CDKL2: variants seen among roughly 807,000 people sequenced by gnomAD.
CDKL2 encodes the protein cyclin dependent kinase like 2, also known as cyclin-dependent kinase-like 2.
A neutral mutation model predicts 63.9 loss-of-function variants in CDKL2; 64 were observed. The ratio of observed to expected loss-of-function variants is 1.00; its 90% CI spans 0.82 to 1.23. The LOEUF is 1.23. CDKL2 is among the 50% of genes most tolerant of loss of function. The pLI is 0.00. For missense variants in CDKL2, 656 were observed against 668.0 expected (o/e 0.98, Z 0.20); for synonymous variants, 211 against 229.2 (o/e 0.92, Z 0.72).
intron 2 of CDKL2, among the ~76,000 whole-genome samples, chr4:75,623,820 T>C (rs1048236271): frequency 6.6e-6 from 1 of 152,050 alleles, no homozygotes; most frequent in African/African-American, 2.4e-5. Context: ...TCACAAGAGA[T>C]ACATCTAAAC....
At chr4:75,613,909 T>G (rs1729810715) in intron 3 of CDKL2, among the ~76,000 whole-genome samples, 1 of 151,930 alleles carries the variant, frequency 6.6e-6, no homozygotes, top group African/African-American at 2.4e-5. Flanking sequence ...ATACAAAAAT[T>G]AGCCAGGCGT....
chr4:75,592,384 A>G (rs1361249546), intron 10 of CDKL2, 115 bp from the exon 11 acceptor site: 1 of 829,698 alleles, frequency 1.2e-6, no homozygotes, highest in Admixed American at 3.7e-5. Flanking sequence ...AAGGTCTATA[A>G]TAAAAAATTT....
At chr4:75,628,692 AT>A (rs1486582616) in intron 1 of CDKL2, among the ~76,000 whole-genome samples, 3 of 152,192 alleles carry the variant, frequency 2.0e-5, no homozygotes, top group African/African-American at 7.2e-5. Flanking sequence ...GCAATCTAAA[AT>A]TTACTCAGAT....
chr4:75,630,098 T>C lies in CDKL2; in HGVS notation c.-86A>G, dbSNP rs1167283682. 2.6e-5 allele frequency: 4 copies of C among 152,428 alleles called. No individual in the cohort carries two copies. The highest frequency in any genetic ancestry group is 4.4e-5 in the Non-Finnish European group (3 of 68,012). 9.4% of individuals were successfully genotyped at this position (152,428 alleles called of 1,614,324 possible). A position where few individuals can be genotyped will look rare whatever the true frequency, so the allele number is the denominator to read the frequency against. ...CAAAGGTTTTCAACTTGGAAACAAATTTGAGGTGAAATGCATATGGTTCGC... is the reference window on the plus strand; with the variant it reads ...CAAAGGTTTTCAACTTGGAAACAAACTTGAGGTGAAATGCATATGGTTCGC... On this transcript the variant is annotated 5_prime_UTR_variant, in exon 1 of 14. Transcript: ENST00000307465.
Position 75,597,183 on chromosome 4 carries a change from GC to G in CDKL2, c.1073del (p.Gly358AlafsTer31), listed in dbSNP as rs1728982830. 3 of 1,612,254 alleles carry G rather than the reference GC, an allele frequency of 1.9e-6. No homozygotes were observed. The African/African-American group carries it at 4.0e-5, about 22-fold the overall frequency. On this transcript the variant is annotated frameshift_variant, in exon 9 of 14. Coordinates refer to ENST00000307465, the MANE Select transcript of CDKL2 (RefSeq NM_001330724.2). LOFTEE classifies it high-confidence loss of function. ...IKDYKLFKIK[G>X]SKIDGEKAEK... ...CAGCTTTTTCTCCATCAATTTTTGAGCCTTTTATTTTAAATAGTTTATAATC... is the reference window on the plus strand; with the variant it reads ...CAGCTTTTTCTCCATCAATTTTTGAGCTTTTATTTTAAATAGTTTATAATC...
At chr4:75,582,109 T>C (rs1348541277) in intron 12 of CDKL2, among the ~76,000 whole-genome samples, 3 of 152,250 alleles carry the variant, frequency 2.0e-5, no homozygotes, top group Admixed American at 6.5e-5. Context: ...TGTTATTCTT[T>C]GATCTTAGTT....
At chr4:75,604,037 G>C (rs1487761017) in intron 5 of CDKL2, 81 bp from the exon 6 acceptor site, 1 of 1,318,996 alleles carries the variant, frequency 7.6e-7, no homozygotes, top group Admixed American at 2.2e-5. Context: ...TGAAGTAGAG[G>C]AAATAGTGGA....
intron 2 of CDKL2, among the ~76,000 whole-genome samples, chr4:75,622,867 G>C (rs1281445505): frequency 6.6e-6 from 1 of 151,460 alleles, no homozygotes; most frequent in Non-Finnish European, 1.5e-5. Flanking sequence ...GAGTGTTTAT[G>C]AACATTGGTA....
Position 75,597,030 on chromosome 4 carries a change from G to A in CDKL2, c.1227C>T (p.Ser409=), listed in dbSNP as rs755062384. 1.2e-5 allele frequency: 20 copies of A among 1,614,092 alleles called. No homozygotes were observed. The highest frequency in any genetic ancestry group is 4.4e-5 in the South Asian group (4 of 91,078). ...NVSVDHTRNP[S]VAIPPLTHNL... ...TGTGTGTAAGTGGGGGAATTGCCAC[G>A]CTTGGATTCCTTGTGTGGTCCACGC... Residue 409 remains serine, a synonymous_variant, in exon 9 of 14, where the codon AGC becomes AGT. Transcript: ENST00000307465.
chr4:75,620,790 A>T (rs1037735593), intron 2 of CDKL2, among the ~76,000 whole-genome samples: 2 of 152,192 alleles, frequency 1.3e-5, no homozygotes, highest in Admixed American at 6.5e-5. Context: ...GGTGAAAAGA[A>T]GGAGTACAGT....
chr4:75,592,036 A>G, intron 11 of CDKL2, 110 bp downstream of exon 11: 1 of 1,308,156 alleles, frequency 7.6e-7, no homozygotes, highest in Non-Finnish European at 1.0e-6. Flanking sequence ...ACAGGTATTT[A>G]CATACTTAAA....
At chr4:75,620,711 AG>A (rs762269797) in intron 2 of CDKL2, among the ~76,000 whole-genome samples, 34 of 152,200 alleles carry the variant, frequency 2.2e-4, no homozygotes, top group Non-Finnish European at 3.5e-4. Context: ...GAAGACTAAG[AG>A]GATCAGTAGC....
chr4:75,585,962 C>T (rs1728460788), intron 12 of CDKL2, among the ~76,000 whole-genome samples: 1 of 152,064 alleles, frequency 6.6e-6, no homozygotes, highest in South Asian at 2.1e-4. Context: ...ATTAATCCAA[C>T]AACAAAGAAT....
intron 12 of CDKL2, 53 bp from the exon 13 acceptor site, chr4:75,581,951 C>T (rs922174539): frequency 1.7e-6 from 2 of 1,207,366 alleles, no homozygotes. Context: ...AAAAGTTCCA[C>T]TTCCCCAAAA....
At chr4:75,590,055 T>A (rs1401355982) in intron 12 of CDKL2, among the ~76,000 whole-genome samples, 1 of 151,800 alleles carries the variant, frequency 6.6e-6, no homozygotes, top group Non-Finnish European at 1.5e-5. Flanking sequence ...TGGTCCCAGC[T>A]ACTCAGGAAG....
At chr4:75,600,130 A>G in intron 7 of CDKL2, 151 bp downstream of exon 7, 1 of 545,244 alleles carries the variant, frequency 1.8e-6, no homozygotes, top group Non-Finnish European at 3.3e-6. Flanking sequence ...GAACTGCATT[A>G]TTGCTAAGGG....
chr4:75,622,412 C>T (rs928530214), intron 2 of CDKL2, among the ~76,000 whole-genome samples: 3 of 151,808 alleles, frequency 2.0e-5, no homozygotes, highest in African/African-American at 7.3e-5. Flanking sequence ...ATACTAATGA[C>T]GAAGTGTATG....
intron 2 of CDKL2, among the ~76,000 whole-genome samples, chr4:75,618,843 C>T (rs567423492): frequency 6.6e-6 from 1 of 152,268 alleles, no homozygotes; most frequent in African/African-American, 2.4e-5. Context: ...AAACTACATC[C>T]TCCAGAGTGA....
rs780680374 is a variant in CDKL2, at chr4:75,597,054, G to A, written c.1203C>T (p.Ser401=). The change falls in exon 9 of 14, where the codon AGC becomes AGT. Residue 401 remains serine, a synonymous_variant. Transcript: ENST00000307465. ...CGCTTGGATTCCTTGTGTGGTCCACGCTGACATTGCTGCAGTCTTTGAGGC... is the reference window on the plus strand; with the variant it reads ...CGCTTGGATTCCTTGTGTGGTCCACACTGACATTGCTGCAGTCTTTGAGGC... ...STSLKDCSNV[S]VDHTRNPSVA... 30 of 1,614,046 alleles carry A rather than the reference G, an allele frequency of 1.9e-5. No homozygotes were observed. The South Asian group carries it at 2.5e-4, about 14-fold the overall frequency.
Sources: gnomAD v4.1 joint callset for allele counts (sites outside exome capture counted in the v4.1 genomes callset) on GRCh38, gnomAD v4.1.1 for gene constraint, MANE v1.5 for transcripts, NCBI Gene and HGNC (gene_info 2026-07-23, HGNC 2026-07-21) for gene names.